Variants in PRKAR1A observed in about 807,000 individuals in gnomAD.
PRKAR1A encodes protein kinase cAMP-dependent type I regulatory subunit alpha.
A neutral mutation model predicts 52.0 loss-of-function variants in PRKAR1A; 3 were observed. That is an observed-to-expected ratio of 0.06 (90% CI 0.03 to 0.15). The LOEUF is 0.15. Among genes scored for constraint, PRKAR1A ranks in the 10% least tolerant of loss-of-function variants. The pLI, the probability that PRKAR1A is intolerant of heterozygous loss-of-function variation, is 1.00. For missense variants in PRKAR1A, 240 were observed against 477.4 expected (o/e 0.50, Z 4.63); for synonymous variants, 188 against 168.4 (o/e 1.12, Z -0.90).
chr17:68,415,901 C>T, the PRKAR1A span, among the ~76,000 whole-genome samples: 17 of 152,196 alleles, frequency 1.1e-4, no homozygotes, highest in East Asian at 9.6e-4. Context: ...TAAATGTATG[C>T]GAGTCCTTAT....
Position 68,530,484 on chromosome 17 carries a change from C to T in PRKAR1A, c.*35C>T, listed in dbSNP as rs771867731. The T allele has an allele frequency of 6.2e-7, 1 of 1,613,890 alleles. No homozygotes were observed. ...CCTGTGCCTCCCTTTTCTCCTCTCC[C>T]CAATCCATGCTTCACTCATGCAAAC... On this transcript the variant is annotated 3_prime_UTR_variant, in exon 11 of 11. Coordinates refer to ENST00000589228, the MANE Select transcript of PRKAR1A (RefSeq NM_002734.5).
chr17:68,427,901 CT>C, the PRKAR1A span, among the ~76,000 whole-genome samples: 1 of 151,734 alleles, frequency 6.6e-6, no homozygotes, highest in African/African-American at 2.4e-5. Context: ...GTTTTCTTTT[CT>C]TTTTTGAGAC....
the PRKAR1A span, chr17:68,493,636 C>G: frequency 2.6e-5 from 4 of 151,952 alleles, no homozygotes; most frequent in African/African-American, 7.3e-5. Flanking sequence ...CTCTGTTACC[C>G]AGGCTGGAGT....
chr17:68,426,660 G>A, the PRKAR1A span, among the ~76,000 whole-genome samples: 28 of 152,296 alleles, frequency 1.8e-4, no homozygotes, highest in African/African-American at 6.7e-4. Flanking sequence ...AGCCTCCGGA[G>A]TAGCTGGGAT....
downstream of PRKAR1A, chr17:68,536,599 G>A (rs1192592689): frequency 1.5e-5 from 7 of 453,468 alleles, no homozygotes; most frequent in South Asian, 1.1e-4. Flanking sequence ...GATGGGCCGG[G>A]GACAATCCTG....
the PRKAR1A span, among the ~76,000 whole-genome samples, chr17:68,486,827 T>C: frequency 6.6e-6 from 1 of 151,524 alleles, no homozygotes; most frequent in South Asian, 2.1e-4. Flanking sequence ...GGTACCCAAG[T>C]GTTAATGGGT....
At chr17:68,551,110 A>G in exon 12 of PRKAR1A, 1 of 1,234,342 alleles carries the variant, frequency 8.1e-7, no homozygotes. Context: ...AAGGAGGAGC[A>G]TTCCCCTGGG....
the PRKAR1A span, among the ~76,000 whole-genome samples, chr17:68,447,326 TTAAC>T: frequency 6.6e-6 from 1 of 152,196 alleles, no homozygotes; most frequent in South Asian, 2.1e-4. Flanking sequence ...AGAAATAACA[TTAAC>T]TAAAAATGAA....
intron 11 of PRKAR1A, chr17:68,540,808 C>G (rs774035992): frequency 6.4e-7 from 1 of 1,563,288 alleles, no homozygotes; most frequent in Admixed American, 1.9e-5. Flanking sequence ...AGCCACATAG[C>G]AGAGCCCACT....
At position 68,531,742 on chromosome 17, in the gene PRKAR1A, T is replaced by G; in HGVS notation, c.*1293T>G. ...TCTTTTTTAAAGTAAACTTGTGTAT[T>G]GAGTCTTAACTGTATTTCAGTATTT... is the stretch of plus-strand genomic sequence containing the variant. On this transcript the variant is annotated 3_prime_UTR_variant, in exon 11 of 11. Transcript: ENST00000589228. The G allele has an allele frequency of 9.5e-7, 1 of 1,051,480 alleles. No individual in the cohort carries two copies. Among genetic ancestry groups the G allele is most frequent in the Non-Finnish European group, 1.2e-6 (1 of 866,188 alleles). The allele number at this position is 1,051,480 out of a possible 1,614,324, so 65.1% of individuals were successfully genotyped here. A position where few individuals can be genotyped will look rare whatever the true frequency, so the allele number is the denominator to read the frequency against.
the PRKAR1A span, among the ~76,000 whole-genome samples, chr17:68,432,703 C>T: frequency 6.6e-6 from 1 of 152,140 alleles, no homozygotes; most frequent in Non-Finnish European, 1.5e-5. Context: ...CCAAGGGTAC[C>T]AGCAACCAAC....
upstream of PRKAR1A, among the ~76,000 whole-genome samples, chr17:68,508,562 T>C (rs759206134): frequency 1.3e-5 from 2 of 152,302 alleles, no homozygotes; most frequent in Middle Eastern, 6.8e-3. Context: ...TTAAAAACTA[T>C]TGGGTACTAT....
intron 11 of PRKAR1A, chr17:68,539,873 G>A: frequency 1.2e-6 from 2 of 1,613,252 alleles, no homozygotes; most frequent in East Asian, 4.5e-5. Flanking sequence ...GAACACACGT[G>A]GGGAAGCTCA....
chr17:68,419,670 T>G, the PRKAR1A span, among the ~76,000 whole-genome samples: 1 of 152,114 alleles, frequency 6.6e-6, no homozygotes, highest in African/African-American at 2.4e-5. Flanking sequence ...AACTTCCAAA[T>G]CATTTTAGTG....
At chr17:68,489,534 A>G in the PRKAR1A span, among the ~76,000 whole-genome samples, 1 of 147,462 alleles carries the variant, frequency 6.8e-6, no homozygotes. Flanking sequence ...ATATATATAT[A>G]TGTATATATG....
At chr17:68,447,671 G>C in the PRKAR1A span, among the ~76,000 whole-genome samples, 1 of 152,088 alleles carries the variant, frequency 6.6e-6, no homozygotes, top group African/African-American at 2.4e-5. Context: ...GACCACACTT[G>C]GCCCTTTCCT....
the PRKAR1A span, among the ~76,000 whole-genome samples, chr17:68,488,903 C>T: frequency 6.6e-6 from 1 of 151,760 alleles, no homozygotes; most frequent in African/African-American, 2.4e-5. Context: ...AATAAGCTTT[C>T]AGAGGGCTCT....
At chr17:68,509,943 T>G (rs1410853941), upstream of PRKAR1A, among the ~76,000 whole-genome samples, 1 of 152,140 alleles carries the variant, frequency 6.6e-6, no homozygotes, top group Non-Finnish European at 1.5e-5. Flanking sequence ...CAGCTGTCAC[T>G]CAAAGTGCTC....
the PRKAR1A span, among the ~76,000 whole-genome samples, chr17:68,478,667 T>G: frequency 1.7e-4 from 26 of 152,228 alleles, no homozygotes; most frequent in South Asian, 4.1e-4. Flanking sequence ...TGTTCAGAAC[T>G]TTCATAATAC....
Sources: gnomAD v4.1 joint callset for allele counts (sites outside exome capture counted in the v4.1 genomes callset) on GRCh38, gnomAD v4.1.1 for gene constraint, MANE v1.5 for transcripts, NCBI Gene and HGNC (gene_info 2026-07-23, HGNC 2026-07-21) for gene names.